TRHR: variants seen among roughly 807,000 people sequenced by gnomAD.
TRHR encodes thyrotropin-releasing hormone receptor.
In TRHR, 14 loss-of-function variants were observed where a neutral mutation model predicts 28.0. That is an observed-to-expected ratio of 0.50 (90% confidence interval 0.33 to 0.78). The LOEUF is 0.78. Among genes scored for constraint, TRHR ranks in the 30% least tolerant of loss-of-function variants. TRHR has a pLI of 0.02. For synonymous variants in TRHR, 176 were observed against 171.9 expected (o/e 1.02, Z -0.18); for missense variants, 438 against 469.5 (o/e 0.93, Z 0.62).
chr8:109,108,480 G>T (rs1357046910), intron 2 of TRHR, among the ~76,000 whole-genome samples: 1 of 152,126 alleles, frequency 6.6e-6, no homozygotes, highest in Non-Finnish European at 1.5e-5. Context: ...ACAGCTAGCA[G>T]CTCAGAGCCA....
Position 109,087,682 on chromosome 8 carries a change from G to T in TRHR, c.170G>T (p.Arg57Met). 6.2e-7 allele frequency: 1 copy of T among 1,614,078 alleles called. No individual in the cohort carries two copies. Among genetic ancestry groups the T allele is most frequent in the Admixed American group, 1.7e-5 (1 of 60,008 alleles). ...VLVVMRTKHM[R>M]TPTNCYLVSL... ...GTTGTCATGAGAACCAAGCACATGA[G>T]GACCCCCACAAACTGCTACCTGGTG... The change falls in exon 2 of 3, where the codon AGG becomes ATG. Residue 57 changes from arginine to methionine, a missense_variant. Coordinates refer to ENST00000518632, the MANE Select transcript of TRHR (RefSeq NM_003301.7).
At chr8:109,116,115 C>T (rs992364527) in intron 2 of TRHR, among the ~76,000 whole-genome samples, 6 of 152,056 alleles carry the variant, frequency 3.9e-5, no homozygotes, top group African/African-American at 1.2e-4. Context: ...TATTGATTTG[C>T]GTATGTTGAA....
chr8:109,099,797 C>T lies in TRHR; in HGVS notation c.789+11496C>T, dbSNP rs191513633. ...GGCTATAATCCTTGGATAGATTGCTCTGAATATAATTATATAGTAGCTGCA... is the reference window on the plus strand; with the variant it reads ...GGCTATAATCCTTGGATAGATTGCTTTGAATATAATTATATAGTAGCTGCA... On this transcript the variant is annotated intron_variant, in intron 2 of 2. Coordinates refer to ENST00000518632, the MANE Select transcript of TRHR (RefSeq NM_003301.7). Among the ~76,000 whole-genome samples the T allele has an allele frequency of 3.8e-3, 578 of 152,298 alleles. 4 individuals carry two copies. The highest frequency in any genetic ancestry group is 0.01 in the Middle Eastern group (3 of 294).
At position 109,120,742 on chromosome 8, in the gene TRHR, A is replaced by G. The variant is rs1161080469; in HGVS notation, c.*1287A>G. 6.6e-6 allele frequency among the ~76,000 whole-genome samples: 1 copy of G among 151,704 alleles called. No homozygotes were observed. Among genetic ancestry groups the G allele is most frequent in the African/African-American group, 2.4e-5 (1 of 41,360 alleles). On this transcript the variant is annotated 3_prime_UTR_variant, in exon 3 of 3. Coordinates refer to ENST00000518632, the MANE Select transcript of TRHR (RefSeq NM_003301.7). ...GTGTTTATTGGAGACTTGTGAATGA[A>G]TCTGTCCAGGACACTTGTCAGTTCC...
At chr8:109,098,611 C>A (rs1811630520) in intron 2 of TRHR, among the ~76,000 whole-genome samples, 1 of 152,170 alleles carries the variant, frequency 6.6e-6, no homozygotes, top group African/African-American at 2.4e-5. Flanking sequence ...CATTTATGAT[C>A]TGCTCCCTGC....
rs541662114 is a variant in TRHR at position 109,120,381 on chromosome 8, T to C, written c.*926T>C. ...CTACTCAGCCATGTCAAGCAAATCA[T>C]TCAAGCAAAATCTAGCTGAAAAGTC... On this transcript the variant is annotated 3_prime_UTR_variant, in exon 3 of 3. Coordinates refer to ENST00000518632, the MANE Select transcript of TRHR (RefSeq NM_003301.7). Among the ~76,000 whole-genome samples, 85 of 151,966 alleles carry C rather than the reference T, an allele frequency of 5.6e-4. 1 individual carries two copies. Among genetic ancestry groups the C allele is most frequent in the Middle Eastern group, 3.4e-3 (1 of 294 alleles).
intron 2 of TRHR, among the ~76,000 whole-genome samples, chr8:109,097,167 C>A (rs1213451612): frequency 6.6e-6 from 1 of 152,020 alleles, no homozygotes; most frequent in Admixed American, 6.6e-5. Flanking sequence ...ATTCCCTCCA[C>A]AATAAAAGAG....
At chr8:109,118,918 T>C in intron 2 of TRHR, 130 bp from the exon 3 acceptor site, 1 of 1,152,348 alleles carries the variant, frequency 8.7e-7, no homozygotes, top group Non-Finnish European at 1.3e-6. Flanking sequence ...ACCTCCCCAA[T>C]AAATGACCTG....
At chr8:109,104,663 G>T (rs1298962569) in intron 2 of TRHR, among the ~76,000 whole-genome samples, 1 of 151,930 alleles carries the variant, frequency 6.6e-6, no homozygotes, top group Non-Finnish European at 1.5e-5. Flanking sequence ...AGTAGCAGAG[G>T]TACATCCCAA....
intron 2 of TRHR, among the ~76,000 whole-genome samples, chr8:109,104,066 A>G (rs1378978630): frequency 1.3e-5 from 2 of 152,188 alleles, no homozygotes; most frequent in African/African-American, 4.8e-5. Flanking sequence ...GTAGACTTTA[A>G]GGAAAGTAGA....
At chr8:109,104,585 A>T (rs1005233192) in intron 2 of TRHR, among the ~76,000 whole-genome samples, 1 of 152,106 alleles carries the variant, frequency 6.6e-6, no homozygotes, top group African/African-American at 2.4e-5. Context: ...AAATTTATAT[A>T]TTGCAAATTT....
intron 2 of TRHR, among the ~76,000 whole-genome samples, chr8:109,100,820 A>C (rs369200292): frequency 6.6e-6 from 1 of 152,168 alleles, no homozygotes; most frequent in Non-Finnish European, 1.5e-5. Flanking sequence ...TAAGCTGAGC[A>C]TTGTGGATTC....
intron 2 of TRHR, among the ~76,000 whole-genome samples, chr8:109,094,377 A>G (rs144045274): frequency 6.6e-6 from 1 of 152,060 alleles, no homozygotes; most frequent in African/African-American, 2.4e-5. Flanking sequence ...TCAGTCTCCC[A>G]AGTAGCTGGG....
Position 109,119,522 on chromosome 8 carries a change from G to A in TRHR, c.*67G>A. The A allele has an allele frequency of 6.4e-7, 1 of 1,564,246 alleles. No homozygotes were observed. The highest frequency in any genetic ancestry group is 8.7e-7 in the Non-Finnish European group (1 of 1,147,074). On this transcript the variant is annotated 3_prime_UTR_variant, in exon 3 of 3. Transcript: ENST00000518632. ...TCTGTGCAGTCATCAACAAAAGGGA[G>A]AACATGGCCAATAGTCATATGTGAA...
At chr8:109,112,570 G>A (rs914536735) in intron 2 of TRHR, among the ~76,000 whole-genome samples, 6 of 152,164 alleles carry the variant, frequency 3.9e-5, no homozygotes, top group South Asian at 2.1e-4. Context: ...CCCTTGTTAC[G>A]AAATCTTCTT....
chr8:109,109,126 G>T (rs999924362), intron 2 of TRHR, among the ~76,000 whole-genome samples: 5 of 152,094 alleles, frequency 3.3e-5, no homozygotes, highest in Non-Finnish European at 7.4e-5. Context: ...GGTGCGATAG[G>T]CATAAACTCT....
chr8:109,113,379 C>T (rs1206124546), intron 2 of TRHR, among the ~76,000 whole-genome samples: 4 of 152,050 alleles, frequency 2.6e-5, no homozygotes, highest in South Asian at 2.1e-4. Flanking sequence ...AGAAAAACAT[C>T]AGCTAACCTC....
intron 2 of TRHR, among the ~76,000 whole-genome samples, chr8:109,113,329 G>C (rs1213573223): frequency 6.6e-6 from 1 of 152,114 alleles, no homozygotes; most frequent in South Asian, 2.1e-4. Context: ...TCACTCCTGT[G>C]GCCTCCCTCT....
intron 2 of TRHR, among the ~76,000 whole-genome samples, chr8:109,114,425 G>T (rs1413191390): frequency 6.6e-6 from 1 of 152,016 alleles, no homozygotes; most frequent in Non-Finnish European, 1.5e-5. Context: ...AACTCAATAT[G>T]CCTGTACCCC....
Sources: allele counts gnomAD v4.1 joint callset (sites outside exome capture counted in the v4.1 genomes callset), GRCh38; gene constraint gnomAD v4.1.1; transcripts MANE v1.5; gene names NCBI Gene and HGNC (gene_info 2026-07-23, HGNC 2026-07-21).